Variants in EIF4G3 observed in about 807,000 individuals in gnomAD.
The protein encoded by EIF4G3 is eIF-4-gamma 3.
EIF4G3 carries 34 observed loss-of-function variants against 186.4 expected under a neutral mutation model. The ratio of observed to expected loss-of-function variants is 0.18; its 90% CI spans 0.14 to 0.24. The LOEUF (loss-of-function observed/expected upper bound fraction) is 0.24, where lower values mean the gene tolerates loss of function less well. Among genes scored for constraint, EIF4G3 ranks in the 10% least tolerant of loss-of-function variants. EIF4G3 has a pLI of 1.00. For synonymous variants in EIF4G3, 673 were observed against 679.5 expected, an observed-to-expected ratio of 0.99 and a Z score of 0.15; for missense variants, 1,536 against 1,948.5, an observed-to-expected ratio of 0.79 and a Z score of 3.99.
chr1:20,847,186 A>G (rs1008681815), intron 29 of EIF4G3, among the ~76,000 whole-genome samples: 3 of 152,204 alleles, frequency 2.0e-5, no homozygotes, highest in Non-Finnish European at 4.4e-5. Flanking sequence ...GGGTATGATA[A>G]TAACATCAAC....
chr1:21,015,550 G>C (rs1206360519), intron 4 of EIF4G3, among the ~76,000 whole-genome samples: 1 of 152,036 alleles, frequency 6.6e-6, no homozygotes, highest in Non-Finnish European at 1.5e-5. Flanking sequence ...GATCAAGACA[G>C]GAGTTCAAGA....
Position 20,904,967 on chromosome 1 carries a change from T to G in EIF4G3, c.1668A>C (p.Gln556His), listed in dbSNP as rs34255002. 307 of 1,612,972 alleles carry G rather than the reference T, an allele frequency of 1.9e-4. No homozygotes were observed. In the African/African-American group the frequency reaches 3.9e-3, roughly 20 times the overall value. Residue 556 changes from glutamine (Q) to histidine (H), a missense_variant, in exon 15 of 37, where the codon CAA (glutamine) becomes CAC (histidine). Gln to His is a conservative substitution (Grantham distance 24, BLOSUM62 0). Transcript: ENST00000602326. ...ATGTCTTTGGTACAGTTATAGCTATTTGAGCTGAAATACAAGATCAGGCCC... is the reference window on the plus strand; with the variant it reads ...ATGTCTTTGGTACAGTTATAGCTATGTGAGCTGAAATACAAGATCAGGCCC... ...LNSRRSPVPA[Q>H]IAITVPKTWK...
chr1:20,943,604 A>T (rs1017713460), intron 13 of EIF4G3, among the ~76,000 whole-genome samples: 1 of 152,240 alleles, frequency 6.6e-6, no homozygotes, highest in Non-Finnish European at 1.5e-5. Context: ...AATGACAACA[A>T]AAGATTCAAG....
At chr1:21,136,573 G>A (rs1192282299) in intron 2 of EIF4G3, among the ~76,000 whole-genome samples, 1 of 151,662 alleles carries the variant, frequency 6.6e-6, no homozygotes, top group Non-Finnish European at 1.5e-5. Context: ...TTAACTACAT[G>A]GTTTAATGGG....
At chr1:20,907,452 A>T (rs1027946092) in intron 14 of EIF4G3, among the ~76,000 whole-genome samples, 2 of 151,902 alleles carry the variant, frequency 1.3e-5, no homozygotes, top group Non-Finnish European at 2.9e-5. Flanking sequence ...CAGGTTTGCT[A>T]CATATGTATA....
intron 12 of EIF4G3, among the ~76,000 whole-genome samples, chr1:20,956,077 C>T (rs115281207): frequency 2.0e-5 from 3 of 152,044 alleles, no homozygotes; most frequent in Non-Finnish European, 4.4e-5. Flanking sequence ...ATAATGGTAA[C>T]AATAATTCCA....
In EIF4G3 at chr1:20,899,856, G is replaced by A. The variant is rs1439906536; in HGVS notation, c.1840C>T (p.Pro614Ser). 2.5e-6 allele frequency: 4 copies of A among 1,613,798 alleles called. No individual in the cohort carries two copies. Among genetic ancestry groups the A allele is most frequent in the South Asian group, 2.2e-5 (2 of 91,074 alleles). The change falls in exon 16 of 37, where the codon CCC becomes TCC. Residue 614 changes from proline (P) to serine (S), a missense_variant. Pro to Ser is a moderately conservative substitution (Grantham distance 74). This residue lies in a region of EIF4G3 where 560 missense variants were observed against 547.8 expected (regional missense o/e 1.02). Transcript: ENST00000602326. ...GCTTTCACTTTTTTTAGGTCAGAGG[G>A]GTCTCTTTCAGGATGAAACCCCTGG... is the stretch of plus-strand genomic sequence containing the variant. ...MSQGFHPERD[P>S]SDLKKVKAVE...
chr1:20,999,859 A>C, intron 6 of EIF4G3: 1 of 351,138 alleles, frequency 2.8e-6, no homozygotes, highest in Non-Finnish European at 5.5e-6. Flanking sequence ...TCTTTTTGTT[A>C]AAGAAGGGTC....
chr1:21,130,216 CTTTTTTTTTTTTTT>C (rs71014159), intron 2 of EIF4G3, among the ~76,000 whole-genome samples: 11 of 75,350 alleles, frequency 1.5e-4, no homozygotes, highest in Admixed American at 3.8e-4. Context: ...GACCCCATCT[CTTTTTTTTTTTTTT>C]TTTTTTTTTT....
intron 4 of EIF4G3, among the ~76,000 whole-genome samples, chr1:21,020,181 A>G (rs568075162): frequency 9.2e-5 from 14 of 152,246 alleles, no homozygotes; most frequent in Middle Eastern, 3.4e-3. Flanking sequence ...AGGCCCAGAC[A>G]ACCATCAGAA....
intron 3 of EIF4G3, among the ~76,000 whole-genome samples, chr1:21,079,723 T>C (rs915101931): frequency 2.7e-5 from 4 of 150,536 alleles, no homozygotes; most frequent in African/African-American, 9.8e-5. Context: ...TTTTATGGCA[T>C]AGCTGGGCAT....
At chr1:20,991,593 A>G (rs1369188592) in intron 7 of EIF4G3, among the ~76,000 whole-genome samples, 6 of 151,940 alleles carry the variant, frequency 3.9e-5, no homozygotes, top group Non-Finnish European at 7.4e-5. Context: ...GAAAAAATTC[A>G]GTTCTTTAGC....
chr1:21,043,861 A>G (rs1460195006), intron 4 of EIF4G3, among the ~76,000 whole-genome samples: 3 of 147,574 alleles, frequency 2.0e-5, no homozygotes, highest in Non-Finnish European at 3.0e-5. Context: ...ACAGAGTGAA[A>G]CCTTGGCGCA....
chr1:20,944,445 G>T (rs899422108), intron 13 of EIF4G3, among the ~76,000 whole-genome samples: 2 of 151,780 alleles, frequency 1.3e-5, no homozygotes, highest in Non-Finnish European at 2.9e-5. Flanking sequence ...AGCCCAGGAG[G>T]TCGAGGCTGC....
chr1:20,813,677 G>A (rs2059733897), intron 34 of EIF4G3, among the ~76,000 whole-genome samples: 2 of 151,750 alleles, frequency 1.3e-5, no homozygotes, highest in South Asian at 2.1e-4. Context: ...GACCAATCTG[G>A]CCAACATGGT....
chr1:21,059,721 A>G (rs773606604), intron 3 of EIF4G3, among the ~76,000 whole-genome samples: 1 of 152,226 alleles, frequency 6.6e-6, no homozygotes, highest in Non-Finnish European at 1.5e-5. Flanking sequence ...AAGCAAACAC[A>G]TACCATGTAT....
chr1:20,865,151 C>T lies in EIF4G3; in HGVS notation c.2734G>A (p.Glu912Lys). ...GCCTCAAGTTCTTTCTGCTTCTTCT[C>T]AAAGACATCATCATCTGCTTTATCT... ...EKDKADDDVF[E>K]KKQKELEAAS... Residue 912 changes from glutamate (E) to lysine (K), a missense_variant, in exon 21 of 37, where the codon GAG (glutamate) becomes AAG (lysine). Coordinates refer to ENST00000602326, the MANE Select transcript of EIF4G3 (RefSeq NM_001391906.1). 6.2e-7 allele frequency: 1 copy of T among 1,614,108 alleles called. No homozygotes were observed. The highest frequency in any genetic ancestry group is 8.5e-7 in the Non-Finnish European group (1 of 1,179,982).
chr1:21,033,618 A>C (rs948463709), intron 4 of EIF4G3, among the ~76,000 whole-genome samples: 2 of 152,206 alleles, frequency 1.3e-5, no homozygotes, highest in South Asian at 4.1e-4. Context: ...ACAATTAGTA[A>C]GTGATAGAAC....
Position 21,153,673 on chromosome 1 carries a change from C to T in EIF4G3, c.-272+22502G>A, listed in dbSNP as rs578204869. Among the ~76,000 whole-genome samples, 3 of 152,110 alleles carry T rather than the reference C, an allele frequency of 2.0e-5. No homozygotes were observed. The East Asian group carries it at 5.8e-4, about 29-fold the overall frequency. On this transcript the variant is annotated intron_variant, in intron 2 of 36. Transcript: ENST00000602326. ...TCCGCCTCCCAGGTTCAAGTGATTC[C>T]CCTGCCACAGCCTCCTGAGTAGCTG... is the stretch of plus-strand genomic sequence containing the variant.
Sources: allele counts gnomAD v4.1 joint callset (sites outside exome capture counted in the v4.1 genomes callset), GRCh38; gene constraint gnomAD v4.1.1; regional missense constraint gnomAD v4.1.1; transcripts MANE v1.5; gene names NCBI Gene and HGNC (gene_info 2026-07-23, HGNC 2026-07-21).